Variants in NF1 observed in about 807,000 individuals in gnomAD.
NF1 encodes the protein neurofibromin 1, also known as neurofibromin.
A neutral mutation model predicts 325.7 loss-of-function variants in NF1; 122 were observed. That is an observed-to-expected ratio of 0.37 (90% CI 0.32 to 0.44). The LOEUF is 0.44. Ranked by LOEUF, NF1 falls within the 20% of genes least tolerant of loss-of-function variation. The pLI is 1.00. For synonymous variants in NF1, 1,091 were observed against 1,186.0 expected (o/e 0.92, Z 1.65); for missense variants, 2,140 against 3,415.4 (o/e 0.63, Z 9.31).
chr17:31,217,378 C>G (rs1412453782), intron 13 of NF1, among the ~76,000 whole-genome samples: 4 of 151,248 alleles, frequency 2.6e-5, no homozygotes, highest in African/African-American at 4.9e-5. Context: ...GTGGTGTGAT[C>G]TCAGCTCTCT....
At chr17:31,220,298 CACTT>C (rs1194645624) in intron 14 of NF1, among the ~76,000 whole-genome samples, 1 of 152,150 alleles carries the variant, frequency 6.6e-6, no homozygotes, top group African/African-American at 2.4e-5. Flanking sequence ...AATATTTTAG[CACTT>C]ACTACGTAAT....
intron 57 of NF1, among the ~76,000 whole-genome samples, chr17:31,363,802 G>T (rs532654380): frequency 2.3e-4 from 34 of 147,750 alleles, no homozygotes; most frequent in African/African-American, 8.5e-4. Context: ...GTGCAGTGGC[G>T]CAGTCTTGGC....
intron 36 of NF1, chr17:31,294,841 T>C: frequency 1.2e-6 from 1 of 810,292 alleles, no homozygotes; most frequent in South Asian, 1.6e-5. Flanking sequence ...ACATTGTGCA[T>C]TTCTTTTATT....
chr17:31,203,748 C>A (rs1392295568), intron 11 of NF1, among the ~76,000 whole-genome samples: 1 of 152,002 alleles, frequency 6.6e-6, no homozygotes, highest in Non-Finnish European at 1.5e-5. Context: ...AAGTTCTCTT[C>A]TCCCATGGTT....
chr17:31,216,085 A>T (rs1284522434), intron 13 of NF1, among the ~76,000 whole-genome samples: 5 of 152,186 alleles, frequency 3.3e-5, no homozygotes, highest in Non-Finnish European at 5.9e-5. Flanking sequence ...AAAACCTGTC[A>T]GTGAAACTCT....
At chr17:31,104,789 G>A (rs372707198) in intron 1 of NF1, among the ~76,000 whole-genome samples, 1 of 152,108 alleles carries the variant, frequency 6.6e-6, no homozygotes, top group Non-Finnish European at 1.5e-5. Context: ...TATAACTGCT[G>A]TTTATAGTAC....
intron 25 of NF1, 39 bp from the exon 26 acceptor site, chr17:31,232,661 G>C (rs912344311): frequency 6.3e-7 from 1 of 1,585,450 alleles, no homozygotes; most frequent in African/African-American, 1.3e-5. Context: ...TAGTTGATAC[G>C]GCCTTCACTA....
At chr17:31,365,066 G>A (rs541888115) in intron 57 of NF1, among the ~76,000 whole-genome samples, 1 of 152,038 alleles carries the variant, frequency 6.6e-6, no homozygotes, top group South Asian at 2.1e-4. Flanking sequence ...TTGGGAGGCC[G>A]AGGCAGGTGG....
At chr17:31,129,932 G>T (rs1191978979) in intron 1 of NF1, among the ~76,000 whole-genome samples, 3 of 152,092 alleles carry the variant, frequency 2.0e-5, no homozygotes, top group Non-Finnish European at 4.4e-5. Flanking sequence ...TCTCAGTCCA[G>T]TTCAGAACCC....
At chr17:31,240,857 G>T (rs866636370) in intron 29 of NF1, among the ~76,000 whole-genome samples, 2 of 152,016 alleles carry the variant, frequency 1.3e-5, no homozygotes, top group African/African-American at 4.8e-5. Context: ...TCATGTACCT[G>T]TTTGCCATGT....
intron 36 of NF1, among the ~76,000 whole-genome samples, chr17:31,290,179 T>C (rs541861564): frequency 6.6e-6 from 1 of 152,300 alleles, no homozygotes; most frequent in Admixed American, 6.5e-5. Flanking sequence ...ATAATGGGGA[T>C]TTTGTATAGA....
intron 5 of NF1, among the ~76,000 whole-genome samples, chr17:31,171,223 G>C (rs1005622357): frequency 6.6e-5 from 10 of 152,022 alleles, no homozygotes; most frequent in Non-Finnish European, 1.3e-4. Flanking sequence ...CTTTAATAAA[G>C]GAAAATATAG....
intron 3 of NF1, among the ~76,000 whole-genome samples, chr17:31,160,511 G>T (rs766875724): frequency 3.3e-5 from 5 of 152,106 alleles, no homozygotes; most frequent in Non-Finnish European, 7.3e-5. Flanking sequence ...GGTATTTTCC[G>T]TTAACTTGTG....
intron 1 of NF1, among the ~76,000 whole-genome samples, chr17:31,143,022 G>A (rs575809190): frequency 2.1e-4 from 32 of 151,938 alleles, no homozygotes; most frequent in African/African-American, 7.7e-4. Flanking sequence ...AAACTTTTTG[G>A]TAGCTAATTG....
At chr17:31,355,173 TC>T (rs2070241680) in intron 51 of NF1, among the ~76,000 whole-genome samples, 1 of 152,144 alleles carries the variant, frequency 6.6e-6, no homozygotes, top group Admixed American at 6.5e-5. Context: ...AATGAGATCT[TC>T]CAGGAAGAAT....
At chr17:31,242,260 G>T (rs2067308600) in intron 29 of NF1, among the ~76,000 whole-genome samples, 1 of 147,128 alleles carries the variant, frequency 6.8e-6, no homozygotes, top group South Asian at 2.1e-4. Context: ...AACCTTCCTG[G>T]ACTTGAATAT....
rs1916963330 is a variant in NF1 at position 31,151,812 on chromosome 17, A to G, written c.61-4171A>G. ...AGTTTGTTGAATGCATAGATGGAGA[A>G]CTCATGGATTCAGAGGGCTGACTGT... is the stretch of plus-strand genomic sequence containing the variant. On this transcript the variant is annotated intron_variant, in intron 1 of 57. Coordinates refer to ENST00000358273, the MANE Select transcript of NF1 (RefSeq NM_001042492.3). 2.0e-5 allele frequency among the ~76,000 whole-genome samples: 3 copies of G among 152,256 alleles called. No individual in the cohort carries two copies. In the South Asian group the frequency reaches 6.2e-4, roughly 32 times the overall value.
At chr17:31,244,166 A>G (rs972464971) in intron 29 of NF1, among the ~76,000 whole-genome samples, 1 of 151,990 alleles carries the variant, frequency 6.6e-6, no homozygotes, top group African/African-American at 2.4e-5. Context: ...GCCCTCTCCT[A>G]CTGTGGCTAA....
intron 34 of NF1, 102 bp downstream of exon 34, chr17:31,260,617 G>A: frequency 7.5e-7 from 1 of 1,326,296 alleles, no homozygotes; most frequent in Non-Finnish European, 1.1e-6. Context: ...CATCTTCTTG[G>A]ACTAAGAATT....
Sources: gnomAD v4.1 joint callset for allele counts (sites outside exome capture counted in the v4.1 genomes callset) on GRCh38, gnomAD v4.1.1 for gene constraint, MANE v1.5 for transcripts, NCBI Gene and HGNC (gene_info 2026-07-23, HGNC 2026-07-21) for gene names.